The following ALG6 variants were observed in gnomAD, a reference collection of about 807,000 sequenced individuals.
The protein encoded by ALG6 is ALG6 alpha-1,3-glucosyltransferase.
In ALG6, 46 loss-of-function variants were observed where a neutral mutation model predicts 66.6. That is an observed-to-expected ratio of 0.69 (90% confidence interval 0.55 to 0.88). The LOEUF is 0.88. ALG6 is among the 40% of genes least tolerant of loss of function. The pLI is 0.00. For synonymous variants in ALG6, 185 were observed against 203.7 expected, an observed-to-expected ratio of 0.91 and a Z score of 0.78; for missense variants, 505 against 586.8, an observed-to-expected ratio of 0.86 and a Z score of 1.44.
intron 4 of ALG6, among the ~76,000 whole-genome samples, chr1:63,403,885 C>T (rs1468922280): frequency 2.0e-5 from 3 of 152,024 alleles, no homozygotes; most frequent in South Asian, 2.1e-4. Flanking sequence ...ACTGAAATGT[C>T]GTTATGCGGT....
At chr1:63,402,616 G>A (rs1443604466) in intron 4 of ALG6, among the ~76,000 whole-genome samples, 37 of 150,948 alleles carry the variant, frequency 2.5e-4, no homozygotes, top group African/African-American at 7.3e-4. Context: ...ACAGGTGCCC[G>A]CCACCATGCC....
chr1:63,400,268 CGTAT>C (rs1390892312), intron 3 of ALG6, among the ~76,000 whole-genome samples: 1 of 12,970 alleles, frequency 7.7e-5, no homozygotes, highest in South Asian at 2.4e-3. Flanking sequence ...TATATATATA[CGTAT>C]ATATATATAC....
At chr1:63,368,700 CA>C (rs1647810171) in intron 1 of ALG6, among the ~76,000 whole-genome samples, 1 of 151,980 alleles carries the variant, frequency 6.6e-6, no homozygotes, top group African/African-American at 2.4e-5. Flanking sequence ...GGGGTTTCAC[CA>C]TGTTGACCAG....
chr1:63,418,953 A>G (rs1644558740), intron 11 of ALG6, among the ~76,000 whole-genome samples: 1 of 152,190 alleles, frequency 6.6e-6, no homozygotes, highest in African/African-American at 2.4e-5. Flanking sequence ...TAAAACATTA[A>G]TATATTTTAT....
In ALG6 at chr1:63,402,336, G is replaced by A. The variant is rs762643273; in HGVS notation, c.250G>A (p.Ala84Thr). ...PLTAYHSLLC[A>T]YVAKFINPDW... ...TACAGCTTATCATAGTCTCCTATGT[G>A]CATATGTGTAAGTTTTTCTTTCTTA... Residue 84 changes from alanine (A) to threonine (T), a missense_variant, in exon 4 of 15, where the codon GCA becomes ACA. Transcript: ENST00000263440. 4 of 1,605,846 alleles carry A rather than the reference G, an allele frequency of 2.5e-6. No individual in the cohort carries two copies. Among genetic ancestry groups the A allele is most frequent in the Non-Finnish European group, 2.6e-6 (3 of 1,173,168 alleles).
chr1:63,397,891 G>A (rs960132156), intron 3 of ALG6, among the ~76,000 whole-genome samples: 2 of 152,146 alleles, frequency 1.3e-5, no homozygotes, highest in African/African-American at 4.8e-5. Context: ...GGGTTATTGT[G>A]AGGACTGAAT....
intron 1 of ALG6, among the ~76,000 whole-genome samples, chr1:63,368,625 C>T (rs1189282273): frequency 6.6e-6 from 1 of 151,960 alleles, no homozygotes; most frequent in Non-Finnish European, 1.5e-5. Flanking sequence ...CTCAGCCTCA[C>T]GAGTAGCTGG....
intron 2 of ALG6, among the ~76,000 whole-genome samples, chr1:63,388,028 T>G (rs760888946): frequency 3.9e-5 from 6 of 152,230 alleles, no homozygotes; most frequent in Non-Finnish European, 8.8e-5. Flanking sequence ...GCGATTCTCT[T>G]GCCTCAGCCT....
At chr1:63,404,244 T>G (rs1441585263) in intron 4 of ALG6, among the ~76,000 whole-genome samples, 1 of 152,188 alleles carries the variant, frequency 6.6e-6, no homozygotes, top group African/African-American at 2.4e-5. Context: ...CATAGTTTTG[T>G]TGGAAGGTAA....
At chr1:63,436,796 A>G in intron 14 of ALG6, 27 bp from the exon 15 acceptor site, 1 of 1,604,538 alleles carries the variant, frequency 6.2e-7, no homozygotes, top group East Asian at 2.2e-5. Context: ...CTTTTATACT[A>G]CTCAGTAATC....
intron 12 of ALG6, among the ~76,000 whole-genome samples, chr1:63,422,100 T>A (rs1570080957): frequency 1.0e-5 from 1 of 99,500 alleles, no homozygotes; most frequent in African/African-American, 3.7e-5. Context: ...TATAAATATA[T>A]AAATATAAAT....
Position 63,396,631 on chromosome 1 carries a change from C to G in ALG6, c.167+34C>G, listed in dbSNP as rs574082075. On this transcript the variant is annotated intron_variant, in intron 3 of 14. Transcript: ENST00000263440. The stretch of plus-strand genomic sequence containing the variant: ...ATTTTAACTTGTTTTTCTTGTTTAT[C>G]ATAGTTAATACAGATTGTTTGAAAA... 4 of 1,539,848 alleles carry G rather than the reference C, an allele frequency of 2.6e-6. No homozygotes were observed. The South Asian group carries it at 3.3e-5, about 13-fold the overall frequency.
rs529864212 is a variant in ALG6, at chr1:63,387,203, C to T, written c.83-9310C>T. ...TTTTTAAGACTTGTTTGTGGTCTAT[C>T]GTATGGTCTATCTGTGTGCCAAGGA... is the stretch of plus-strand genomic sequence containing the variant. On this transcript the variant is annotated intron_variant, in intron 2 of 14. Transcript: ENST00000263440. Among the ~76,000 whole-genome samples the T allele has an allele frequency of 5.9e-5, 9 of 152,198 alleles. No homozygotes were observed. In the South Asian group the frequency reaches 6.2e-4, roughly 11 times the overall value.
intron 4 of ALG6, 115 bp from the exon 5 acceptor site, chr1:63,404,338 T>G (rs1644480194): frequency 4.6e-6 from 4 of 874,062 alleles, no homozygotes; most frequent in Middle Eastern, 5.2e-4. Context: ...ACTCTGTTGC[T>G]TTATAAGAGA....
At chr1:63,402,445 T>C in intron 4 of ALG6, 102 bp downstream of exon 4, 1 of 691,366 alleles carries the variant, frequency 1.4e-6, no homozygotes, top group Middle Eastern at 3.7e-4. Flanking sequence ...AGAGATTGCT[T>C]GTAGCTGCTA....
intron 14 of ALG6, among the ~76,000 whole-genome samples, chr1:63,434,875 G>T (rs143271734): frequency 1.9e-3 from 286 of 152,300 alleles, no homozygotes; most frequent in African/African-American, 6.6e-3. Context: ...AGACGTAGGG[G>T]ACATGAGGAA....
At chr1:63,436,503 A>G (rs1644679022) in intron 14 of ALG6, among the ~76,000 whole-genome samples, 1 of 152,122 alleles carries the variant, frequency 6.6e-6, no homozygotes, top group Non-Finnish European at 1.5e-5. Flanking sequence ...TTTGTCCCAG[A>G]TACCTTTGTT....
chr1:63,434,700 A>G (rs1644668608), intron 14 of ALG6, among the ~76,000 whole-genome samples: 1 of 152,216 alleles, frequency 6.6e-6, no homozygotes, highest in African/African-American at 2.4e-5. Flanking sequence ...AGTGTGGCCC[A>G]GGGAAGCCAA....
chr1:63,408,942 G>A (rs139569639), intron 7 of ALG6, among the ~76,000 whole-genome samples: 17 of 152,270 alleles, frequency 1.1e-4, no homozygotes, highest in Non-Finnish European at 2.4e-4. Flanking sequence ...ACCACACCCT[G>A]TTAATTTTTG....
Sources: gnomAD v4.1 joint callset for allele counts (sites outside exome capture counted in the v4.1 genomes callset) on GRCh38, gnomAD v4.1.1 for gene constraint, MANE v1.5 for transcripts, NCBI Gene and HGNC (gene_info 2026-07-23, HGNC 2026-07-21) for gene names.